Variants in DOK7 observed in about 807,000 individuals in gnomAD.
DOK7 encodes the protein docking protein 7, also known as protein Dok-7.
Under a neutral mutation model 30.7 loss-of-function variants are expected in DOK7, and 32 were observed. That is an observed-to-expected ratio of 1.04 (90% CI 0.79 to 1.40). The LOEUF (loss-of-function observed/expected upper bound fraction) is 1.40, where lower values mean the gene tolerates loss of function less well. DOK7 is among the 40% of genes most tolerant of loss of function. The pLI is 0.00. For missense variants in DOK7, 1,007 were observed against 699.2 expected (o/e 1.44, Z -4.97); for synonymous variants, 447 against 324.1 (o/e 1.38, Z -4.07).
At position 3,494,462 on chromosome 4, in the gene DOK7, A is replaced by T. The variant is rs1728782566; in HGVS notation, c.*961A>T. 6.1e-6 allele frequency: 6 copies of T among 985,354 alleles called. No individual in the cohort carries two copies. Among genetic ancestry groups the T allele is most frequent in the Admixed American group, 6.1e-5 (1 of 16,270 alleles). The allele number at this position is 985,354 out of a possible 1,614,324, so 61.0% of individuals were successfully genotyped here. A position where few individuals can be genotyped will look rare whatever the true frequency, so the allele number is the denominator to read the frequency against. On this transcript the variant is annotated 3_prime_UTR_variant, in exon 7 of 7. Transcript: ENST00000340083. ...CCAGACACTGTTTGTAATAGACTGGAAATAAAATGTTCTTTCCTTACCACC... is the reference window on the plus strand; with the variant it reads ...CCAGACACTGTTTGTAATAGACTGGTAATAAAATGTTCTTTCCTTACCACC...
intron 4 of DOK7, among the ~76,000 whole-genome samples, chr4:3,481,364 G>T (rs1276759083): frequency 6.6e-6 from 1 of 152,064 alleles, no homozygotes; most frequent in African/African-American, 2.4e-5. Flanking sequence ...CTGCCTGGTT[G>T]GGGGATGGGA....
At chr4:3,473,690 GCCCCT>G (rs1320777035) in intron 3 of DOK7, 54 bp downstream of exon 3, 2 of 1,480,536 alleles carry the variant, frequency 1.4e-6, no homozygotes, top group Non-Finnish European at 9.1e-7. Flanking sequence ...GTGTGCCGGG[GCCCCT>G]CACCAACGTG....
intron 6 of DOK7, among the ~76,000 whole-genome samples, chr4:3,491,766 C>T (rs1017251399): frequency 1.3e-5 from 2 of 152,214 alleles, no homozygotes; most frequent in African/African-American, 4.8e-5. Flanking sequence ...AGCAGAGGCA[C>T]CTCCTCAGCT....
At chr4:3,500,627 AG>A in intron 7 of DOK7, 7 of 1,534,086 alleles carry the variant, frequency 4.6e-6, no homozygotes, top group Non-Finnish European at 6.1e-6. Context: ...ACTGGTGTGG[AG>A]GGCAGGGTCA....
At chr4:3,489,564 G>T in intron 5 of DOK7, 113 bp from the exon 6 acceptor site, 1 of 1,516,432 alleles carries the variant, frequency 6.6e-7, no homozygotes, top group East Asian at 2.5e-5. Context: ...GACTCCCAGG[G>T]GACTGCCACT....
rs527341140 is a variant in DOK7 at position 3,493,319 on chromosome 4, G to C, written c.1333G>C (p.Gly445Arg). 14 of 1,604,110 alleles carry C rather than the reference G, an allele frequency of 8.7e-6. No individual in the cohort carries two copies. The highest frequency in any genetic ancestry group is 1.2e-5 in the Non-Finnish European group (14 of 1,175,684). Residue 445 changes from glycine to arginine, a missense_variant, in exon 7 of 7, where the codon GGC becomes CGC. Transcript: ENST00000340083. The part of the protein sequence containing the change: ...GGQTSAGCPS[G>R]WLGTRRRGLV... Reference sequence around the variant, plus strand: ...CCAGACGTCCGCCGGGTGTCCCTCTGGCTGGCTGGGCACGAGACGGCGGGG... The same window carrying C: ...CCAGACGTCCGCCGGGTGTCCCTCTCGCTGGCTGGGCACGAGACGGCGGGG...
chr4:3,473,829 G>A (rs1726916794), intron 3 of DOK7, among the ~76,000 whole-genome samples, 193 bp downstream of exon 3: 1 of 152,214 alleles, frequency 6.6e-6, no homozygotes, highest in South Asian at 2.1e-4. Flanking sequence ...GGAGTCTGCT[G>A]GGCTATGGTG....
Position 3,493,756 on chromosome 4 carries a change from G to T in DOK7, c.*255G>T. The T allele has an allele frequency of 1.4e-6, 2 of 1,405,356 alleles. No homozygotes were observed. The highest frequency in any genetic ancestry group is 1.8e-6 in the Non-Finnish European group (2 of 1,083,642). 87.1% of individuals were successfully genotyped at this position (1,405,356 alleles called of 1,614,324 possible). A position where few individuals can be genotyped will look rare whatever the true frequency, so the allele number is the denominator to read the frequency against. On this transcript the variant is annotated 3_prime_UTR_variant, in exon 7 of 7. Transcript: ENST00000340083. ...GTCACCAGAGCCCCAATGCTCAGCT[G>T]CTTCACTCCGTGTCCCCCACCCCTG... is the stretch of plus-strand genomic sequence containing the variant.
Position 3,489,901 on chromosome 4 carries a change from C to A in DOK7, c.772+105C>A, listed in dbSNP as rs537861510. Reference sequence around the variant, plus strand: ...GTGGGGGCTGCAGGCTCCCTCTGCTCATTCATTCATTCCTTCTGTCTCCTG... The same window carrying A: ...GTGGGGGCTGCAGGCTCCCTCTGCTAATTCATTCATTCCTTCTGTCTCCTG... On this transcript the variant is annotated intron_variant, in intron 6 of 6. Coordinates refer to ENST00000340083, the MANE Select transcript of DOK7 (RefSeq NM_173660.5). The A allele has an allele frequency of 3.8e-5, 55 of 1,462,778 alleles. No individual in the cohort carries two copies. In the South Asian group the frequency reaches 6.8e-4, roughly 18 times the overall value. The allele number at this position is 1,462,778 out of a possible 1,614,324, so 90.6% of individuals were successfully genotyped here. A position where few individuals can be genotyped will look rare whatever the true frequency, so the allele number is the denominator to read the frequency against.
chr4:3,465,899 GC>G (rs1396964357), intron 2 of DOK7, among the ~76,000 whole-genome samples: 3 of 152,220 alleles, frequency 2.0e-5, no homozygotes, highest in African/African-American at 7.2e-5. Flanking sequence ...TGCCAGCGGC[GC>G]CTGGCCCAGC....
intron 2 of DOK7, among the ~76,000 whole-genome samples, chr4:3,467,601 A>T (rs73195117): frequency 0.3 from 44,816 of 151,792 alleles, 7,145 homozygotes; most frequent in Non-Finnish European, 0.36. Flanking sequence ...GCACCTGTAC[A>T]CACCGTGGGA....
chr4:3,467,980 C>T (rs1726408167), intron 2 of DOK7, among the ~76,000 whole-genome samples: 1 of 152,198 alleles, frequency 6.6e-6, no homozygotes, highest in African/African-American at 2.4e-5. Context: ...AAAGGCCCCA[C>T]CACTAACCCA....
chr4:3,474,489 AC>A (rs1049764098), intron 3 of DOK7, among the ~76,000 whole-genome samples: 2 of 152,074 alleles, frequency 1.3e-5, no homozygotes, highest in Non-Finnish European at 2.9e-5. Context: ...AGACCAGACC[AC>A]CCTGGGCAAC....
chr4:3,487,398 C>T lies in DOK7; in HGVS notation c.652+1740C>T, dbSNP rs62272673. Among the ~76,000 whole-genome samples, 613 of 152,326 alleles carry T rather than the reference C, an allele frequency of 4.0e-3. 1 individual carries two copies. The highest frequency in any genetic ancestry group is 6.7e-3 in the Non-Finnish European group (453 of 68,024). On this transcript the variant is annotated intron_variant, in intron 5 of 6. Coordinates refer to ENST00000340083, the MANE Select transcript of DOK7 (RefSeq NM_173660.5). The stretch of plus-strand genomic sequence containing the variant: ...GACTCCCACAATAGAGCCCTGCGGG[C>T]GGCATCCTCAAGCTCTGGGCTTTCT...
chr4:3,463,558 G>C lies in DOK7; in HGVS notation c.100+7G>C. 2 of 1,517,256 alleles carry C rather than the reference G, an allele frequency of 1.3e-6. No individual in the cohort carries two copies. Among genetic ancestry groups the C allele is most frequent in the South Asian group, 1.2e-5 (1 of 83,258 alleles). The allele number at this position is 1,517,256 out of a possible 1,614,324, so 94.0% of individuals were successfully genotyped here. On this transcript the variant is annotated splice_region_variant and intron_variant, in intron 2 of 6. Transcript: ENST00000340083. ...AAGCCGTCGCCCGTGGCAGGTGAGCGGGGCGGGCGGGGGACGGGGGGCGCG... is the reference window on the plus strand; with the variant it reads ...AAGCCGTCGCCCGTGGCAGGTGAGCCGGGCGGGCGGGGGACGGGGGGCGCG...
intron 4 of DOK7, among the ~76,000 whole-genome samples, chr4:3,482,077 A>G (rs1232787433): frequency 2.0e-5 from 3 of 151,886 alleles, no homozygotes; most frequent in South Asian, 4.2e-4. Context: ...CACGCCTCCT[A>G]TCCCCCACAA....
At chr4:3,492,627 CGGGGCTTG>C in intron 6 of DOK7, 124 bp from the exon 7 acceptor site, 1 of 1,299,022 alleles carries the variant, frequency 7.7e-7, no homozygotes, top group Non-Finnish European at 1.1e-6. Context: ...CTGTAGGCCC[CGGGGCTTG>C]GGGGCTGGAA....
At chr4:3,468,350 T>C (rs1233646880) in intron 2 of DOK7, among the ~76,000 whole-genome samples, 1 of 150,684 alleles carries the variant, frequency 6.6e-6, no homozygotes, top group African/African-American at 2.5e-5. Flanking sequence ...GCTCAAATGC[T>C]TGTCTGTGTG....
downstream of DOK7, among the ~76,000 whole-genome samples, chr4:3,495,859 C>T (rs564527741): frequency 2.6e-5 from 4 of 152,198 alleles, no homozygotes; most frequent in East Asian, 1.9e-4. Context: ...CAGGGGGTGT[C>T]GGCCTGTTGT....
Sources: allele counts gnomAD v4.1 joint callset (sites outside exome capture counted in the v4.1 genomes callset), GRCh38; gene constraint gnomAD v4.1.1; transcripts MANE v1.5; gene names NCBI Gene and HGNC (gene_info 2026-07-23, HGNC 2026-07-21).